Variants in NBEAL1 observed in about 807,000 individuals in gnomAD.
NBEAL1 encodes neurobeachin-like protein 1.
In NBEAL1, 273 loss-of-function variants were observed where a neutral mutation model predicts 351.3. The ratio of observed to expected loss-of-function variants is 0.78; its 90% CI spans 0.70 to 0.86. The LOEUF is 0.86. Ranked by LOEUF, NBEAL1 falls within the 40% of genes least tolerant of loss-of-function variation. NBEAL1 has a pLI of 0.00. For missense variants in NBEAL1, 2,961 were observed against 3,201.3 expected (o/e 0.92, Z 1.81); for synonymous variants, 1,050 against 1,086.4 (o/e 0.97, Z 0.66).
At chr2:203,044,165 T>G (rs1448740515) in intron 3 of NBEAL1, among the ~76,000 whole-genome samples, 1 of 152,176 alleles carries the variant, frequency 6.6e-6, no homozygotes, top group Non-Finnish European at 1.5e-5. Context: ...GATGTGAGTG[T>G]ACTAAAAAAA....
At chr2:203,031,447 A>G (rs1209775741) in intron 2 of NBEAL1, among the ~76,000 whole-genome samples, 1 of 152,184 alleles carries the variant, frequency 6.6e-6, no homozygotes, top group Non-Finnish European at 1.5e-5. Context: ...TTTTGAAGAC[A>G]TTTTGAGTGG....
intron 18 of NBEAL1, among the ~76,000 whole-genome samples, chr2:203,118,871 G>A (rs542030985): frequency 6.6e-6 from 1 of 152,276 alleles, no homozygotes; most frequent in African/African-American, 2.4e-5. Flanking sequence ...TTACAGGCAT[G>A]AGCCACCGCA....
intron 36 of NBEAL1, among the ~76,000 whole-genome samples, chr2:203,161,326 CAAAAAAAAAA>C (rs1174377516): frequency 1.5e-5 from 1 of 64,800 alleles, no homozygotes; most frequent in African/African-American, 6.1e-5. Context: ...GACTCCATCT[CAAAAAAAAAA>C]AAAAAAAAAA....
intron 39 of NBEAL1, among the ~76,000 whole-genome samples, chr2:203,170,373 A>AAAT (rs1200894396): frequency 2.2e-4 from 33 of 151,826 alleles, no homozygotes; most frequent in Non-Finnish European, 2.9e-4. Flanking sequence ...ACTCTGTCAC[A>AAAT]AATAATAATA....
At chr2:203,103,600 A>G (rs959478819) in intron 12 of NBEAL1, among the ~76,000 whole-genome samples, 17 of 147,192 alleles carry the variant, frequency 1.2e-4, no homozygotes, top group African/African-American at 2.5e-4. Flanking sequence ...TGATGTCTCA[A>G]TTTCCTTCAG....
At chr2:203,213,439 T>A in intron 54 of NBEAL1, 79 bp from the exon 55 acceptor site, 6 of 1,325,224 alleles carry the variant, frequency 4.5e-6, no homozygotes, top group Non-Finnish European at 6.3e-6. Flanking sequence ...TGAGCATTAA[T>A]TTATTTTCCA....
intron 10 of NBEAL1, among the ~76,000 whole-genome samples, chr2:203,088,977 G>A (rs979085496): frequency 2.6e-5 from 4 of 152,060 alleles, no homozygotes; most frequent in Non-Finnish European, 5.9e-5. Context: ...TGTAAAAGAG[G>A]GCAGAGTAGG....
At chr2:203,205,776 C>A (rs558994266) in intron 51 of NBEAL1, among the ~76,000 whole-genome samples, 1 of 152,274 alleles carries the variant, frequency 6.6e-6, no homozygotes, top group Non-Finnish European at 1.5e-5. Context: ...TTAGGAAGGG[C>A]TCCTCTTTCT....
At position 203,126,829 on chromosome 2, in the gene NBEAL1, A is replaced by T. The variant is rs765693250; in HGVS notation, c.3151A>T (p.Ile1051Leu). The change falls in exon 23 of 56, where the codon ATA (isoleucine) becomes TTA (leucine). Residue 1051 changes from isoleucine (I) to leucine (L), a missense_variant. Physicochemically the swap from Ile to Leu is conservative, Grantham distance 5. Coordinates refer to ENST00000683969, the MANE Select transcript of NBEAL1 (RefSeq NM_001378026.1). Reference sequence around the variant, plus strand: ...CATTGAACTTTTTATTTTAGGTCACATACAGTATCTTTCAACCATCATTAA... The same window carrying T: ...CATTGAACTTTTTATTTTAGGTCACTTACAGTATCTTTCAACCATCATTAA... Reference protein sequence around the residue: ...RGDFPFRIGHIQYLSTIIKDS... With the variant: ...RGDFPFRIGHLQYLSTIIKDS... 8.9e-5 allele frequency: 138 copies of T among 1,551,610 alleles called. No homozygotes were observed. The highest frequency in any genetic ancestry group is 1.7e-4 in the Middle Eastern group (1 of 5,986).
chr2:203,207,783 C>G (rs567437128), intron 51 of NBEAL1, among the ~76,000 whole-genome samples: 1 of 152,084 alleles, frequency 6.6e-6, no homozygotes, highest in Non-Finnish European at 1.5e-5. Flanking sequence ...TGCGGAAGGC[C>G]GCAGGGTCCT....
At chr2:203,027,106 A>G (rs896774749) in intron 2 of NBEAL1, among the ~76,000 whole-genome samples, 13 of 152,222 alleles carry the variant, frequency 8.5e-5, no homozygotes, top group Admixed American at 5.9e-4. Context: ...TTCAAAATCT[A>G]TTAAGATATA....
chr2:203,081,408 A>G (rs2061870327), intron 8 of NBEAL1, among the ~76,000 whole-genome samples: 1 of 152,242 alleles, frequency 6.6e-6, no homozygotes, highest in Non-Finnish European at 1.5e-5. Flanking sequence ...TTATTAATTT[A>G]TGATACGGAA....
intron 35 of NBEAL1, among the ~76,000 whole-genome samples, chr2:203,154,934 CAA>C (rs55890648): frequency 1.4e-4 from 13 of 92,702 alleles, no homozygotes; most frequent in East Asian, 3.2e-4. Context: ...GACCTTGTCT[CAA>C]AAAAAAAAAA....
chr2:203,180,615 T>G, intron 43 of NBEAL1, 103 bp downstream of exon 43: 2 of 1,075,880 alleles, frequency 1.9e-6, no homozygotes, highest in Non-Finnish European at 2.6e-6. Flanking sequence ...TTATTTAAGA[T>G]TCATTCTGTC....
chr2:203,127,040 G>A, intron 23 of NBEAL1, 114 bp downstream of exon 23: 4 of 716,876 alleles, frequency 5.6e-6, no homozygotes, highest in Non-Finnish European at 6.8e-6. Flanking sequence ...TGTTTTAACT[G>A]GAGAGAGGTA....
intron 5 of NBEAL1, 52 bp from the exon 6 acceptor site, chr2:203,057,274 G>C: frequency 6.8e-7 from 1 of 1,462,510 alleles, no homozygotes; most frequent in Non-Finnish European, 9.3e-7. Flanking sequence ...ATGACTTATT[G>C]TTAGATGATA....
In NBEAL1 at chr2:203,119,424, C is replaced by CTTTTTTTTTTTTTTTTTTTTTTTTTTT. The variant is rs57126638; in HGVS notation, c.2593-2810_2593-2809insTTTTTTTTTTTTTTTTTTTTTTTTTTT. Among the ~76,000 whole-genome samples the CTTTTTTTTTTTTTTTTTTTTTTTTTTT allele has an allele frequency of 2.1e-3, 137 of 66,660 alleles. 45 individuals carry two copies. Among genetic ancestry groups the CTTTTTTTTTTTTTTTTTTTTTTTTTTT allele is most frequent in the East Asian group, 0.01 (15 of 1,432 alleles). The allele number at this position is 66,660 out of a possible 152,430, so 43.7% of individuals were successfully genotyped here. On this transcript the variant is annotated intron_variant, in intron 18 of 55. Transcript: ENST00000683969. ...GTGAGCCACTGCATACGGCCTGTTGCTTTTTTTTTTTTTTTTTTTTGAGAC... is the reference window on the plus strand; with the variant it reads ...GTGAGCCACTGCATACGGCCTGTTGCTTTTTTTTTTTTTTTTTTTTTTTTTTTTTTTTTTTTTTTTTTTTTTTGAGAC...
rs56217945 is a variant in NBEAL1 at position 203,074,317 on chromosome 2, CTTTTT to C, written c.599-3414_599-3410del. On this transcript the variant is annotated intron_variant, in intron 7 of 55. Coordinates refer to ENST00000683969, the MANE Select transcript of NBEAL1 (RefSeq NM_001378026.1). The stretch of plus-strand genomic sequence containing the variant: ...GTTTACAGATCCTTTTTTCTTTCTT[CTTTTT>C]TTTTTTTTTTTTTTTTTTTTGACAT... Among the ~76,000 whole-genome samples, 9 of 98,304 alleles carry C rather than the reference CTTTTT, an allele frequency of 9.2e-5. No homozygotes were observed. The East Asian group carries it at 1.4e-3, about 15-fold the overall frequency. The allele number at this position is 98,304 out of a possible 152,430, so 64.5% of individuals were successfully genotyped here.
chr2:203,190,024 T>C (rs917944642), intron 45 of NBEAL1, among the ~76,000 whole-genome samples: 18 of 151,812 alleles, frequency 1.2e-4, no homozygotes, highest in Admixed American at 6.6e-4. Flanking sequence ...TAGTCCCAGC[T>C]ACTCAGGAGG....
Sources: gnomAD v4.1 joint callset for allele counts (sites outside exome capture counted in the v4.1 genomes callset) on GRCh38, gnomAD v4.1.1 for gene constraint, MANE v1.5 for transcripts, NCBI Gene and HGNC (gene_info 2026-07-23, HGNC 2026-07-21) for gene names.